The following HMCN1 variants were observed in gnomAD, a reference collection of about 807,000 sequenced individuals.
The protein encoded by HMCN1 is hemicentin-1.
A neutral mutation model predicts 625.9 loss-of-function variants in HMCN1; 321 were observed. The observed-to-expected ratio is 0.51, with a 90% CI of 0.47 to 0.56. HMCN1 has a LOEUF of 0.56. Ranked by LOEUF, HMCN1 falls within the 20% of genes least tolerant of loss-of-function variation. The pLI, the probability that HMCN1 is intolerant of heterozygous loss-of-function variation, is 0.00. For missense variants in HMCN1, 6,588 were observed against 6,887.3 expected (o/e 0.96, Z 1.54); for synonymous variants, 2,425 against 2,417.6 (o/e 1.00, Z -0.09).
chr1:185,742,222 T>C (rs1017779339), intron 1 of HMCN1, among the ~76,000 whole-genome samples: 2 of 152,192 alleles, frequency 1.3e-5, no homozygotes, highest in East Asian at 3.8e-4. Context: ...TCAAAGTCCA[T>C]GATTTACATC....
rs1004645270 is a variant in HMCN1, at chr1:185,989,558, C to G, written c.3119C>G (p.Ser1040Ter). 5 of 1,613,934 alleles carry G rather than the reference C, an allele frequency of 3.1e-6. No homozygotes were observed. Among genetic ancestry groups the G allele is most frequent in the Non-Finnish European group, 4.2e-6 (5 of 1,179,942 alleles). The change falls in exon 21 of 107, where the codon TCA (serine) becomes TGA (stop). Residue 1040 changes from serine (S) to a stop codon, truncating the protein, a stop_gained. Coordinates refer to ENST00000271588, the MANE Select transcript of HMCN1 (RefSeq NM_031935.3). LOFTEE classifies it high-confidence loss of function. ...GCTGATGGTAGTCTGTATGTGGTAT[C>G]ACCTGGAGGAGAGGAGAGTGGGGAG... ...AGADGSLYVV[S>*]PGGEESGEYV...
chr1:185,838,135 G>A (rs1661280552), intron 1 of HMCN1, among the ~76,000 whole-genome samples: 1 of 152,114 alleles, frequency 6.6e-6, no homozygotes, highest in Non-Finnish European at 1.5e-5. Flanking sequence ...TTCACCTCTA[G>A]GCAGCCTGGT....
intron 56 of HMCN1, among the ~76,000 whole-genome samples, chr1:186,082,404 T>G (rs567843908): frequency 4.6e-4 from 70 of 152,256 alleles, no homozygotes; most frequent in African/African-American, 1.6e-3. Context: ...ATCTCTACCC[T>G]CCAGCAGGCT....
At position 186,023,024 on chromosome 1, in the gene HMCN1, A is replaced by G. The variant is rs762475975; in HGVS notation, c.5626-6A>G. 4.3e-6 allele frequency: 7 copies of G among 1,613,180 alleles called. No homozygotes were observed. Among genetic ancestry groups the G allele is most frequent in the Non-Finnish European group, 3.4e-6 (4 of 1,179,312 alleles). On this transcript the variant is annotated splice_polypyrimidine_tract_variant and splice_region_variant and intron_variant, in intron 35 of 106. Coordinates refer to ENST00000271588, the MANE Select transcript of HMCN1 (RefSeq NM_031935.3). ...AAAATCCTCTGTGCTTTCTGCTCCC[A>G]ATTAGATACAGTCTTCTGGTCGAGT...
intron 6 of HMCN1, among the ~76,000 whole-genome samples, chr1:185,921,101 C>A (rs1021916932): frequency 1.3e-5 from 2 of 151,982 alleles, no homozygotes; most frequent in Non-Finnish European, 2.9e-5. Context: ...GAATTCATAA[C>A]ACATATTCAT....
At chr1:186,121,284 T>C (rs1385867535) in intron 80 of HMCN1, among the ~76,000 whole-genome samples, 5 of 152,162 alleles carry the variant, frequency 3.3e-5, no homozygotes, top group Non-Finnish European at 7.3e-5. Context: ...TGCAAATAAA[T>C]CTTTTGAAGG....
chr1:185,780,330 G>A (rs1315641848), intron 1 of HMCN1, among the ~76,000 whole-genome samples: 2 of 152,044 alleles, frequency 1.3e-5, no homozygotes, highest in African/African-American at 2.4e-5. Flanking sequence ...CTAATTGAAT[G>A]TCCTTTATGT....
intron 11 of HMCN1, among the ~76,000 whole-genome samples, chr1:185,945,674 C>T (rs1668305032): frequency 6.6e-6 from 1 of 152,198 alleles, no homozygotes; most frequent in Non-Finnish European, 1.5e-5. Flanking sequence ...TAGAAGATGA[C>T]TAAAAGGTAG....
At chr1:186,069,457 G>A (rs1047424930) in intron 50 of HMCN1, among the ~76,000 whole-genome samples, 3 of 152,164 alleles carry the variant, frequency 2.0e-5, no homozygotes, top group African/African-American at 7.2e-5. Context: ...CATCACCACA[G>A]AGCACCACTG....
At chr1:185,965,721 A>G in intron 13 of HMCN1, 81 bp from the exon 14 acceptor site, 1 of 841,890 alleles carries the variant, frequency 1.2e-6, no homozygotes, top group South Asian at 1.3e-5. Flanking sequence ...AAATTTTTAA[A>G]TTGGTTCATT....
chr1:185,794,033 C>T (rs1352530476), intron 1 of HMCN1, among the ~76,000 whole-genome samples: 2 of 152,034 alleles, frequency 1.3e-5, no homozygotes, highest in Non-Finnish European at 2.9e-5. Context: ...TTTTCACTGC[C>T]GATGCTGTTA....
intron 31 of HMCN1, 61 bp downstream of exon 31, chr1:186,015,498 T>C: frequency 1.4e-6 from 2 of 1,473,958 alleles, no homozygotes; most frequent in South Asian, 2.3e-5. Flanking sequence ...AATAGGCAAA[T>C]ATCGAATTTA....
chr1:186,061,299 G>A (rs999041471), intron 46 of HMCN1, among the ~76,000 whole-genome samples: 7 of 152,088 alleles, frequency 4.6e-5, no homozygotes, highest in Non-Finnish European at 8.8e-5. Context: ...TTCACAAGGC[G>A]GCAGAAGAGA....
At chr1:186,088,369 G>A (rs2102404602) in intron 62 of HMCN1, 93 bp downstream of exon 62, 3 of 1,580,758 alleles carry the variant, frequency 1.9e-6, no homozygotes, top group Middle Eastern at 1.7e-4. Context: ...TAAGTACCAT[G>A]CTCATAGGGG....
chr1:186,160,613 A>C (rs867137692), intron 97 of HMCN1, among the ~76,000 whole-genome samples: 1 of 150,744 alleles, frequency 6.6e-6, no homozygotes, highest in Non-Finnish European at 1.5e-5. Context: ...AGATTCTGTT[A>C]TGTTGTGTCT....
At chr1:185,797,676 A>T (rs1658482035) in intron 1 of HMCN1, among the ~76,000 whole-genome samples, 1 of 147,362 alleles carries the variant, frequency 6.8e-6, no homozygotes, top group Non-Finnish European at 1.5e-5. Flanking sequence ...GCTTTATAAG[A>T]CTTGTTTTGG....
At chr1:186,161,066 T>C (rs1367047244) in intron 97 of HMCN1, among the ~76,000 whole-genome samples, 1 of 152,194 alleles carries the variant, frequency 6.6e-6, no homozygotes, top group African/African-American at 2.4e-5. Context: ...AGTCTCTTTC[T>C]AGGTCTCTAA....
chr1:186,100,442 T>C (rs571292086), intron 68 of HMCN1, among the ~76,000 whole-genome samples: 19 of 152,246 alleles, frequency 1.2e-4, no homozygotes, highest in Admixed American at 9.2e-4. Context: ...AAAAGTCCAG[T>C]GTGGCTAGAC....
At chr1:186,045,413 G>A (rs1432154622) in intron 40 of HMCN1, among the ~76,000 whole-genome samples, 1 of 152,130 alleles carries the variant, frequency 6.6e-6, no homozygotes, top group Non-Finnish European at 1.5e-5. Flanking sequence ...GTAACATCTA[G>A]TTCTAGAAGT....
Sources: gnomAD v4.1 joint callset for allele counts (sites outside exome capture counted in the v4.1 genomes callset) on GRCh38, gnomAD v4.1.1 for gene constraint, MANE v1.5 for transcripts, NCBI Gene and HGNC (gene_info 2026-07-23, HGNC 2026-07-21) for gene names.